Variants in PDZRN4 observed in about 807,000 individuals in gnomAD.
PDZRN4 encodes the protein PDZ domain-containing RING finger protein 4.
In PDZRN4, 70 loss-of-function variants were observed where a neutral mutation model predicts 99.0. The ratio of observed to expected loss-of-function variants is 0.71; its 90% CI spans 0.58 to 0.86. The LOEUF is 0.86. Among genes scored for constraint, PDZRN4 ranks in the 40% least tolerant of loss-of-function variants. The probability of loss-of-function intolerance (pLI) is 0.00; values close to 1 mark genes in which losing one functional copy is unlikely to be tolerated. For synonymous variants in PDZRN4, 551 were observed against 501.6 expected (o/e 1.10, Z -1.32); for missense variants, 1,474 against 1,331.2 (o/e 1.11, Z -1.67).
At chr12:41,459,812 A>G in intron 3 of PDZRN4, 2 of 477,932 alleles carry the variant, frequency 4.2e-6, no homozygotes, top group Non-Finnish European at 3.3e-6. Flanking sequence ...AAGACAGCAT[A>G]GCCCTGCATC....
chr12:41,499,381 G>C (rs552095519), intron 3 of PDZRN4, among the ~76,000 whole-genome samples: 2 of 152,208 alleles, frequency 1.3e-5, no homozygotes, highest in African/African-American at 2.4e-5. Flanking sequence ...TATTTATAAA[G>C]AGGTTAATAA....
rs1335698917 is a variant in PDZRN4 at position 41,374,849 on chromosome 12, C to T, written c.844-131607C>T. ...AAGTTGAAATTTAGTTCTTTTTCCC[C>T]TAAGAATGGGCTAGACCTAGTGACT... On this transcript the variant is annotated intron_variant, in intron 3 of 9. Transcript: ENST00000402685. Among the ~76,000 whole-genome samples the T allele has an allele frequency of 2.6e-5, 4 of 152,128 alleles. No homozygotes were observed. In the East Asian group the frequency reaches 7.7e-4, roughly 29 times the overall value.
chr12:41,448,415 A>G (rs1471162), intron 3 of PDZRN4, among the ~76,000 whole-genome samples: 1 of 151,642 alleles, frequency 6.6e-6, no homozygotes, highest in South Asian at 2.1e-4. Context: ...CGGAGTTTTC[A>G]CTGAGTCCAG....
At chr12:41,344,163 GAC>G (rs1279860814) in intron 3 of PDZRN4, among the ~76,000 whole-genome samples, 1 of 152,120 alleles carries the variant, frequency 6.6e-6, no homozygotes, top group Non-Finnish European at 1.5e-5. Flanking sequence ...TAGAATAGCA[GAC>G]AGAGTTCAAT....
intron 3 of PDZRN4, among the ~76,000 whole-genome samples, chr12:41,467,928 C>T (rs544242697): frequency 4.1e-4 from 62 of 152,308 alleles, no homozygotes; most frequent in Middle Eastern, 3.4e-3. Context: ...CTGTAAATTA[C>T]TTATTGCATT....
intron 3 of PDZRN4, among the ~76,000 whole-genome samples, chr12:41,425,705 G>T (rs770413828): frequency 2.6e-5 from 4 of 152,106 alleles, no homozygotes; most frequent in Admixed American, 6.6e-5. Context: ...CAACTAGAAA[G>T]CATTTCATCA....
intron 3 of PDZRN4, among the ~76,000 whole-genome samples, chr12:41,195,122 G>A (rs1007008700): frequency 6.6e-6 from 1 of 152,028 alleles, no homozygotes; most frequent in Non-Finnish European, 1.5e-5. Context: ...GTAAAATTGG[G>A]TTATGTTAAT....
chr12:41,358,839 T>C (rs1427947418), intron 3 of PDZRN4, among the ~76,000 whole-genome samples: 1 of 151,998 alleles, frequency 6.6e-6, no homozygotes, highest in East Asian at 1.9e-4. Flanking sequence ...CAAAGCTAGG[T>C]TATGATTCTT....
intron 3 of PDZRN4, among the ~76,000 whole-genome samples, chr12:41,470,675 C>G (rs375441559): frequency 1.5e-4 from 23 of 152,272 alleles, no homozygotes; most frequent in African/African-American, 5.3e-4. Context: ...CAACCGTCCC[C>G]GGTGTGTGAT....
intron 5 of PDZRN4, among the ~76,000 whole-genome samples, chr12:41,525,370 G>A (rs78320406): frequency 0.02 from 2,983 of 152,208 alleles, 86 homozygotes; most frequent in African/African-American, 0.064. Context: ...CTTGTGAGAC[G>A]TCTCTGACAC....
intron 3 of PDZRN4, among the ~76,000 whole-genome samples, chr12:41,457,803 A>C (rs1018830404): frequency 1.3e-5 from 2 of 152,226 alleles, no homozygotes; most frequent in South Asian, 4.1e-4. Context: ...GTTGATAATG[A>C]CCATCCAATT....
At chr12:41,483,679 C>T (rs1218407261) in intron 3 of PDZRN4, among the ~76,000 whole-genome samples, 1 of 152,166 alleles carries the variant, frequency 6.6e-6, no homozygotes, top group Non-Finnish European at 1.5e-5. Context: ...ATGATAACAA[C>T]ACAGTGACAA....
At chr12:41,296,540 A>C (rs896949562) in intron 3 of PDZRN4, among the ~76,000 whole-genome samples, 1 of 152,116 alleles carries the variant, frequency 6.6e-6, no homozygotes, top group Non-Finnish European at 1.5e-5. Flanking sequence ...CTACCATGAC[A>C]ATATTCCTGC....
intron 3 of PDZRN4, among the ~76,000 whole-genome samples, chr12:41,391,031 C>T (rs1952207350): frequency 1.3e-5 from 2 of 152,210 alleles, no homozygotes; most frequent in East Asian, 1.9e-4. Flanking sequence ...TCAAATGTTC[C>T]CGGAGTATTA....
At chr12:41,562,756 A>T (rs1939292939) in intron 7 of PDZRN4, among the ~76,000 whole-genome samples, 1 of 152,114 alleles carries the variant, frequency 6.6e-6, no homozygotes, top group South Asian at 2.1e-4. Flanking sequence ...AAGTAAAAAG[A>T]TATATTTCTA....
intron 3 of PDZRN4, chr12:41,437,893 C>G: frequency 6.2e-7 from 1 of 1,613,668 alleles, no homozygotes. Flanking sequence ...GTTCACTTGC[C>G]TTTCAGTTCT....
intron 5 of PDZRN4, among the ~76,000 whole-genome samples, chr12:41,526,297 C>A (rs1322917090): frequency 6.6e-6 from 1 of 152,158 alleles, no homozygotes; most frequent in Non-Finnish European, 1.5e-5. Flanking sequence ...CTGCAGGAAT[C>A]CTCAGTGTGC....
intron 3 of PDZRN4, among the ~76,000 whole-genome samples, chr12:41,252,534 G>A (rs547517827): frequency 3.5e-4 from 53 of 152,304 alleles, no homozygotes; most frequent in Admixed American, 1.1e-3. Context: ...GATCACAGGA[G>A]TTTGAGACCA....
chr12:41,533,159 G>C (rs1938689449), intron 5 of PDZRN4, among the ~76,000 whole-genome samples: 1 of 149,848 alleles, frequency 6.7e-6, no homozygotes, highest in Non-Finnish European at 1.5e-5. Context: ...TTTCTTCCTG[G>C]TCAGCTTAAC....
Sources: gnomAD v4.1 joint callset for allele counts (sites outside exome capture counted in the v4.1 genomes callset) on GRCh38, gnomAD v4.1.1 for gene constraint, MANE v1.5 for transcripts, NCBI Gene and HGNC (gene_info 2026-07-23, HGNC 2026-07-21) for gene names.